Variants in TMPRSS15 observed in about 807,000 individuals in gnomAD.
The protein encoded by TMPRSS15 is enteropeptidase.
Under a neutral mutation model 125.3 loss-of-function variants are expected in TMPRSS15, and 128 were observed. The observed-to-expected ratio is 1.02, with a 90% CI of 0.89 to 1.18. TMPRSS15 has a LOEUF of 1.18. Among genes scored for constraint, TMPRSS15 ranks in the 50% most tolerant of loss-of-function variants. TMPRSS15 has a pLI of 0.00. For missense variants in TMPRSS15, 1,283 were observed against 1,212.7 expected, an observed-to-expected ratio of 1.06 and a Z score of -0.86; for synonymous variants, 446 against 423.2, an observed-to-expected ratio of 1.05 and a Z score of -0.66.
intron 1 of TMPRSS15, among the ~76,000 whole-genome samples, chr21:18,441,561 C>G: frequency 7.1e-6 from 1 of 139,908 alleles, no homozygotes; most frequent in Non-Finnish European, 1.5e-5. Context: ...GAGCTGAGAT[C>G]GTGCCACTGC....
At chr21:18,466,250 C>T (rs1310134570) in intron 1 of TMPRSS15, among the ~76,000 whole-genome samples, 1 of 152,072 alleles carries the variant, frequency 6.6e-6, no homozygotes, top group African/African-American at 2.4e-5. Context: ...ACACCTTATA[C>T]AAAAATTAAC....
intron 1 of TMPRSS15, among the ~76,000 whole-genome samples, chr21:18,410,106 C>A (rs372817482): frequency 7.3e-6 from 1 of 136,894 alleles, no homozygotes; most frequent in African/African-American, 3.0e-5. Context: ...AGAAATTAAC[C>A]TGGATATGCA....
intron 16 of TMPRSS15, among the ~76,000 whole-genome samples, chr21:18,321,621 G>A (rs1335804106): frequency 6.6e-6 from 1 of 152,050 alleles, no homozygotes; most frequent in Non-Finnish European, 1.5e-5. Flanking sequence ...AAAGTGCTGG[G>A]GTTACGGGCG....
chr21:18,383,853 G>A, intron 3 of TMPRSS15, 75 bp from the exon 4 acceptor site: 1 of 1,518,968 alleles, frequency 6.6e-7, no homozygotes, highest in Non-Finnish European at 9.0e-7. Context: ...CATGTTAAAT[G>A]TCTTTGAAAT....
chr21:18,365,151 C>T lies in TMPRSS15; in HGVS notation c.762G>A (p.Gln254=). Residue 254 remains glutamine, a synonymous_variant, in exon 7 of 25, where the codon CAG becomes CAA. Transcript: ENST00000284885. ...AGATCTTGTATTACCGTATGATCCA[C>T]TGGCAGACAACACTTGTTTCAGAAG... ...PKPSETSVVC[Q]WIIRVNQGLS... is the part of the protein sequence containing the mutation. 6.2e-7 allele frequency: 1 copy of T among 1,613,750 alleles called. No individual in the cohort carries two copies. The highest frequency in any genetic ancestry group is 8.5e-7 in the Non-Finnish European group (1 of 1,179,694).
At chr21:18,309,228 C>T (rs529013482) in intron 18 of TMPRSS15, among the ~76,000 whole-genome samples, 1 of 152,224 alleles carries the variant, frequency 6.6e-6, no homozygotes, top group African/African-American at 2.4e-5. Flanking sequence ...AACTGGACCC[C>T]TTTCTTACAC....
In TMPRSS15 at chr21:18,436,473, T is replaced by C. The variant is rs192975119; in HGVS notation, c.11-38144A>G. Reference sequence around the variant, plus strand: ...GAGTTTCTTAATCTTGAGTTCTAGTTTGATTGCACTGTGGTCTAGTCAAAT... The same window carrying C: ...GAGTTTCTTAATCTTGAGTTCTAGTCTGATTGCACTGTGGTCTAGTCAAAT... On this transcript the variant is annotated intron_variant, in intron 1 of 7. Transcript: ENST00000422787. Among the ~76,000 whole-genome samples, 567 of 152,228 alleles carry C rather than the reference T, an allele frequency of 3.7e-3. 3 individuals carry two copies. The highest frequency in any genetic ancestry group is 0.013 in the African/African-American group (545 of 41,536).
At chr21:18,408,372 A>G (rs2076157751), upstream of TMPRSS15, among the ~76,000 whole-genome samples, 1 of 152,206 alleles carries the variant, frequency 6.6e-6, no homozygotes, top group Admixed American at 6.5e-5. Context: ...GTAATCAGAT[A>G]AATATCTCTA....
At chr21:18,463,149 A>G (rs1224685912) in intron 1 of TMPRSS15, among the ~76,000 whole-genome samples, 1 of 149,104 alleles carries the variant, frequency 6.7e-6, no homozygotes, top group Non-Finnish European at 1.5e-5. Context: ...GTCAAGACCC[A>G]TCGGGGTGCT....
In TMPRSS15 at chr21:18,321,349, C is replaced by CTTTTTTTTT. The variant is rs751011766; in HGVS notation, c.1921+5074_1921+5082dup. On this transcript the variant is annotated intron_variant, in intron 16 of 24. Coordinates refer to ENST00000284885, the MANE Select transcript of TMPRSS15 (RefSeq NM_002772.3). ...TGAAGCAAAAACGATTTTTTTCCTTCTTTTTTTTTTTTTTTTTTTTTGAGA... is the reference window on the plus strand; with the variant it reads ...TGAAGCAAAAACGATTTTTTTCCTTCTTTTTTTTTTTTTTTTTTTTTTTTTTTTTTGAGA... Among the ~76,000 whole-genome samples the CTTTTTTTTT allele has an allele frequency of 7.0e-5, 7 of 100,586 alleles. 1 individual carries two copies. The highest frequency in any genetic ancestry group is 2.4e-4 in the African/African-American group (6 of 24,670). 66.0% of individuals were successfully genotyped at this position (100,586 alleles called of 152,430 possible). A position where few individuals can be genotyped will look rare whatever the true frequency, so the allele number is the denominator to read the frequency against.
At chr21:18,352,225 C>T (rs2075577165) in intron 10 of TMPRSS15, among the ~76,000 whole-genome samples, 1 of 151,996 alleles carries the variant, frequency 6.6e-6, no homozygotes, top group Non-Finnish European at 1.5e-5. Flanking sequence ...ACCACGATTT[C>T]TGGTTTCTCA....
intron 16 of TMPRSS15, among the ~76,000 whole-genome samples, chr21:18,323,745 G>GA (rs1601334559): frequency 2.0e-5 from 3 of 151,864 alleles, no homozygotes; most frequent in Admixed American, 2.0e-4. Context: ...CAGAATTCTT[G>GA]AAAAAAATTT....
chr21:18,296,354 C>A (rs2074907846), intron 19 of TMPRSS15, among the ~76,000 whole-genome samples: 1 of 151,964 alleles, frequency 6.6e-6, no homozygotes, highest in Non-Finnish European at 1.5e-5. Context: ...AATAAATTAA[C>A]CAAATAAATA....
At chr21:18,394,375 T>C (rs2076015118) in intron 3 of TMPRSS15, among the ~76,000 whole-genome samples, 1 of 152,158 alleles carries the variant, frequency 6.6e-6, no homozygotes, top group South Asian at 2.1e-4. Context: ...GTTTCTATCA[T>C]ATCACATTTG....
rs1273640967 is a variant in TMPRSS15, at chr21:18,359,800, T to C, written c.837A>G (p.Ile279Met). Reference protein sequence around the residue: ...FDDFNTYYTDILDIYEGVGSS... With the variant: ...FDDFNTYYTDMLDIYEGVGSS... ...ATCCTACACCTTCATAAATATCTAA[T>C]ATATCTGTATAATATGTATTAAAAT... Residue 279 changes from isoleucine (I) to methionine (M), a missense_variant, in exon 8 of 25, where the codon ATA becomes ATG. By Grantham distance (10) the Ile-to-Met change is conservative. Coordinates refer to ENST00000284885, the MANE Select transcript of TMPRSS15 (RefSeq NM_002772.3). The C allele has an allele frequency of 2.0e-6, 3 of 1,516,280 alleles. No individual in the cohort carries two copies. The highest frequency in any genetic ancestry group is 2.3e-5 in the East Asian group (1 of 44,136). The allele number at this position is 1,516,280 out of a possible 1,614,324, so 93.9% of individuals were successfully genotyped here.
chr21:18,411,005 A>T (rs2076164711), intron 1 of TMPRSS15, among the ~76,000 whole-genome samples: 1 of 152,142 alleles, frequency 6.6e-6, no homozygotes, highest in Non-Finnish European at 1.5e-5. Context: ...CAAATCTAGT[A>T]TTTAGCTGAT....
At chr21:18,460,226 TAATGAG>T (rs1428215146) in intron 1 of TMPRSS15, among the ~76,000 whole-genome samples, 1 of 152,188 alleles carries the variant, frequency 6.6e-6, no homozygotes, top group East Asian at 1.9e-4. Flanking sequence ...TTCTCAGTGT[TAATGAG>T]AATGAGTTCA....
At chr21:18,406,013 T>C (rs924451263), upstream of TMPRSS15, among the ~76,000 whole-genome samples, 4 of 152,188 alleles carry the variant, frequency 2.6e-5, no homozygotes, top group South Asian at 2.1e-4. Context: ...TATGTTTTCA[T>C]TCAGCTATGA....
chr21:18,289,691 A>T (rs761033607), intron 21 of TMPRSS15, among the ~76,000 whole-genome samples: 3 of 152,204 alleles, frequency 2.0e-5, no homozygotes, highest in Non-Finnish European at 2.9e-5. Flanking sequence ...AAATTAAAGA[A>T]TGAGATCTTG....
Sources: allele counts gnomAD v4.1 joint callset (sites outside exome capture counted in the v4.1 genomes callset), GRCh38; gene constraint gnomAD v4.1.1; transcripts MANE v1.5; gene names NCBI Gene and HGNC (gene_info 2026-07-23, HGNC 2026-07-21).